The following APLP2 variants were observed in gnomAD, a reference collection of about 807,000 sequenced individuals.
APLP2 encodes CDEI box-binding protein.
A neutral mutation model predicts 89.9 loss-of-function variants in APLP2; 53 were observed. The ratio of observed to expected loss-of-function variants is 0.59; its 90% CI spans 0.47 to 0.74. The LOEUF is 0.74. APLP2 is among the 30% of genes least tolerant of loss of function. APLP2 has a pLI of 0.00. For missense variants in APLP2, 973 were observed against 975.9 expected (o/e 1.00, Z 0.04); for synonymous variants, 372 against 348.6 (o/e 1.07, Z -0.75).
chr11:130,084,528 G>C (rs1943781596), intron 1 of APLP2, among the ~76,000 whole-genome samples: 1 of 152,086 alleles, frequency 6.6e-6, no homozygotes, highest in Non-Finnish European at 1.5e-5. Context: ...TGTTATTAGG[G>C]TAATGCTGGC....
At chr11:130,090,007 A>T (rs78558268) in intron 1 of APLP2, among the ~76,000 whole-genome samples, 1 of 152,348 alleles carries the variant, frequency 6.6e-6, no homozygotes, top group African/African-American at 2.4e-5. Flanking sequence ...TTGAGGCCCT[A>T]TTCAACCTAT....
At chr11:130,137,087 C>T (rs977537823) in intron 13 of APLP2, among the ~76,000 whole-genome samples, 1 of 152,134 alleles carries the variant, frequency 6.6e-6, no homozygotes, top group African/African-American at 2.4e-5. Context: ...GTGGCTCATA[C>T]TGCTGGTTTG....
At chr11:130,116,528 C>T (rs1233655886) in intron 3 of APLP2, among the ~76,000 whole-genome samples, 1 of 152,080 alleles carries the variant, frequency 6.6e-6, no homozygotes, top group East Asian at 1.9e-4. Flanking sequence ...CGCCGTCACC[C>T]AGGCTGGAGT....
chr11:130,092,922 GA>G (rs1945623976), intron 1 of APLP2, among the ~76,000 whole-genome samples: 1 of 152,160 alleles, frequency 6.6e-6, no homozygotes, highest in Non-Finnish European at 1.5e-5. Context: ...CTCATTTGCA[GA>G]GCAAACTCAG....
intron 1 of APLP2, among the ~76,000 whole-genome samples, chr11:130,078,575 G>A (rs1298580209): frequency 6.6e-6 from 1 of 151,920 alleles, no homozygotes; most frequent in Admixed American, 6.6e-5. Context: ...CTCCTATATT[G>A]TCAATGGGGA....
chr11:130,107,589 T>A (rs1315666192), intron 1 of APLP2, among the ~76,000 whole-genome samples: 2 of 152,154 alleles, frequency 1.3e-5, no homozygotes, highest in Admixed American at 1.3e-4. Flanking sequence ...GGAAGAACAT[T>A]CCATGCTCAT....
At chr11:130,090,255 T>C (rs1343726955) in intron 1 of APLP2, among the ~76,000 whole-genome samples, 1 of 147,674 alleles carries the variant, frequency 6.8e-6, no homozygotes, top group Non-Finnish European at 1.5e-5. Context: ...GTCTTTTTTT[T>C]TTTTTTTTTT....
chr11:130,090,342 T>C (rs1234869401), intron 1 of APLP2, among the ~76,000 whole-genome samples: 1 of 142,724 alleles, frequency 7.0e-6, no homozygotes, highest in African/African-American at 2.6e-5. Flanking sequence ...GGGACAATAG[T>C]GGAGGGAAGG....
At position 130,123,888 on chromosome 11, in the gene APLP2, G is replaced by A. The variant is rs1006301004; in HGVS notation, c.1090+109G>A. 9 of 1,255,886 alleles carry A rather than the reference G, an allele frequency of 7.2e-6. No individual in the cohort carries two copies. Among genetic ancestry groups the A allele is most frequent in the Non-Finnish European group, 1.0e-5 (9 of 893,572 alleles). 77.8% of individuals were successfully genotyped at this position (1,255,886 alleles called of 1,614,324 possible). On this transcript the variant is annotated intron_variant, in intron 7 of 16. Coordinates refer to ENST00000338167, the MANE Select transcript of APLP2 (RefSeq NM_001142276.2). This position sits in a 1 kb window ranked among gnomAD's most constrained non-coding sequence, Gnocchi z 4.0. ...GTGTGGTGTCCCTGCCCACTCGGGT[G>A]TTTGCTGTCGGTCGTCTTCCCCTCA...
At chr11:130,134,339 G>A (rs770163665) in intron 12 of APLP2, among the ~76,000 whole-genome samples, 44 of 152,292 alleles carry the variant, frequency 2.9e-4, no homozygotes, top group Non-Finnish European at 4.9e-4. Context: ...CCTGAGATCC[G>A]AATGGTAAGA....
At position 130,135,668 on chromosome 11, in the gene APLP2, C is replaced by T; in HGVS notation, c.1790C>T (p.Pro597Leu). 2 of 1,614,138 alleles carry T rather than the reference C, an allele frequency of 1.2e-6. No homozygotes were observed. The highest frequency in any genetic ancestry group is 1.1e-5 in the South Asian group (1 of 91,082). Reference protein sequence around the residue: ...RVSSEESEEIPPFHPFHPFPA... With the variant: ...RVSSEESEEILPFHPFHPFPA... ...AGCTCTGAGGAGAGTGAGGAGATCCCACCGTTCCACCCCTTCCACCCCTTC... is the reference window on the plus strand; with the variant it reads ...AGCTCTGAGGAGAGTGAGGAGATCCTACCGTTCCACCCCTTCCACCCCTTC... The change falls in exon 13 of 17, where the codon CCA (proline) becomes CTA (leucine). Residue 597 changes from proline (P) to leucine (L), a missense_variant. Physicochemically the swap from Pro to Leu is moderately conservative, Grantham distance 98 (BLOSUM62 -3). Transcript: ENST00000338167.
chr11:130,129,041 G>T lies in APLP2; in HGVS notation c.1297-7G>T, dbSNP rs1415782366. 1.2e-6 allele frequency: 2 copies of T among 1,610,828 alleles called. No homozygotes were observed. Among genetic ancestry groups the T allele is most frequent in the Non-Finnish European group, 8.5e-7 (1 of 1,178,036 alleles). ...AATCATGTGTGGTTCCTGCTTTCTT[G>T]GTTTAGCACTTCCAAGCCATGGTTA... is the stretch of plus-strand genomic sequence containing the variant. On this transcript the variant is annotated splice_region_variant and splice_polypyrimidine_tract_variant and intron_variant, in intron 9 of 16. Transcript: ENST00000338167.
At chr11:130,073,066 T>G (rs1327075479) in intron 1 of APLP2, among the ~76,000 whole-genome samples, 1 of 152,226 alleles carries the variant, frequency 6.6e-6, no homozygotes, top group African/African-American at 2.4e-5. Flanking sequence ...TATGCGAATT[T>G]ACTTTTAAAC....
intron 1 of APLP2, among the ~76,000 whole-genome samples, chr11:130,086,505 A>G (rs561936447): frequency 1.3e-5 from 2 of 152,294 alleles, no homozygotes; most frequent in South Asian, 2.1e-4. Flanking sequence ...TTGATGCACA[A>G]AAGTTTAACT....
intron 13 of APLP2, chr11:130,139,517 A>G (rs1167886343): frequency 6.6e-6 from 1 of 152,238 alleles, no homozygotes; most frequent in African/African-American, 2.4e-5. Context: ...TAGAAATCAC[A>G]TGCTTTGGAA....
rs766151552 is a variant in APLP2, at chr11:130,141,533, T to C, written c.1959T>C (p.Ile653=). The C allele has an allele frequency of 1.2e-6, 2 of 1,614,066 alleles. No homozygotes were observed. Among genetic ancestry groups the C allele is most frequent in the Middle Eastern group, 1.7e-4 (1 of 6,060 alleles). ...IDETLDVKEM[I]FNAERVGGLE... is the part of the protein sequence containing the mutation. Reference sequence around the variant, plus strand: ...AGACTCTGGATGTTAAGGAAATGATTTTCAATGCCGAGAGAGTTGGAGGCC... The same window carrying C: ...AGACTCTGGATGTTAAGGAAATGATCTTCAATGCCGAGAGAGTTGGAGGCC... The change falls in exon 15 of 17, where the codon ATT becomes ATC. Residue 653 remains isoleucine (I), a synonymous_variant. Transcript: ENST00000338167. The surrounding 1 kb of genome is among the most constrained non-coding windows in gnomAD (Gnocchi z 4.2).
intron 1 of APLP2, among the ~76,000 whole-genome samples, chr11:130,092,912 C>A (rs1945621310): frequency 6.6e-6 from 1 of 152,108 alleles, no homozygotes; most frequent in African/African-American, 2.4e-5. Context: ...TAAAAGCAAC[C>A]TCATTTGCAG....
chr11:130,091,224 C>T (rs1945050809), intron 1 of APLP2, among the ~76,000 whole-genome samples: 9 of 136,934 alleles, frequency 6.6e-5, no homozygotes, highest in Non-Finnish European at 1.1e-4. Flanking sequence ...GGGGGCTGAC[C>T]CCCCCCACCT....
chr11:130,132,123 G>GTA (rs1950995365), intron 11 of APLP2, among the ~76,000 whole-genome samples: 1 of 152,158 alleles, frequency 6.6e-6, no homozygotes, highest in South Asian at 2.1e-4. Flanking sequence ...CTCTGTGAGT[G>GTA]TATGAACCTT....
Sources: allele counts gnomAD v4.1 joint callset (sites outside exome capture counted in the v4.1 genomes callset), GRCh38; gene constraint gnomAD v4.1.1; non-coding constraint Gnocchi (gnomAD v3.1); transcripts MANE v1.5; gene names NCBI Gene and HGNC (gene_info 2026-07-23, HGNC 2026-07-21).